Variants in H4C12 observed in about 807,000 individuals in gnomAD.
H4C12 encodes the protein H4 clustered histone 12, also known as histone H4.
Under a neutral mutation model 4.2 loss-of-function variants are expected in H4C12, and 3 were observed. That is an observed-to-expected ratio of 0.72 (90% CI 0.33 to 1.86). H4C12 has a LOEUF of 1.86. Among genes scored for constraint, H4C12 ranks in the 40% most tolerant of loss-of-function variants. The pLI, the probability that H4C12 is intolerant of heterozygous loss-of-function variation, is 0.08. For synonymous variants in H4C12, 71 were observed against 65.0 expected (o/e 1.09, Z -0.44); for missense variants, 81 against 154.6 (o/e 0.52, Z 2.52).
rs1449983766 is a variant in H4C12, at chr6:27,831,286, G to A, written c.242C>T (p.Thr81Met). 2 of 1,565,440 alleles carry A rather than the reference G, an allele frequency of 1.3e-6. No individual in the cohort carries two copies. The highest frequency in any genetic ancestry group is 2.2e-5 in the East Asian group (1 of 44,684). Residue 81 changes from threonine to methionine, a missense_variant, in exon 1 of 1, where the codon ACG becomes ATG. Around this residue, in one of 2 missense-constraint regions of H4C12, gnomAD observed 56 missense variants for 78.3 expected, o/e 0.72. Transcript: ENST00000611927. ...GTAGACCACATCCATGGCGGTGACC[G>A]TCTTGCGCTTGGCGTGCTCTGTATA... ...VTYTEHAKRK[T>M]VTAMDVVYAL...
chr6:27,831,329 T>G lies in H4C12; in HGVS notation c.199A>C (p.Ile67Leu). The G allele has an allele frequency of 6.3e-7, 1 of 1,598,268 alleles. No homozygotes were observed. Among genetic ancestry groups the G allele is most frequent in the Non-Finnish European group, 8.5e-7 (1 of 1,169,678 alleles). ...GVLKVFLENV[I>L]RDAVTYTEHA... Reference sequence around the variant, plus strand: ...TCTGTATAGGTCACGGCGTCCCGGATCACGTTCTCCAGGAACACCTTCAGC... The same window carrying G: ...TCTGTATAGGTCACGGCGTCCCGGAGCACGTTCTCCAGGAACACCTTCAGC... The change falls in exon 1 of 1, where the codon ATC becomes CTC. Residue 67 changes from isoleucine (I) to leucine (L), a missense_variant. Ile to Leu is a conservative substitution (Grantham distance 5). Coordinates refer to ENST00000611927, the MANE Select transcript of H4C12 (RefSeq NM_003541.3).
chr6:27,831,224 C>T lies in H4C12; in HGVS notation c.304G>A (p.Gly102Ser). Reference protein sequence around the residue: ...KRQGRTLYGFGG With the variant: ...KRQGRTLYGFSG ...TTGATAGAAAGGGACGCTCAACCACCGAAACCGTAGAGGGTGCGGCCCTGG... is the reference window on the plus strand; with the variant it reads ...TTGATAGAAAGGGACGCTCAACCACTGAAACCGTAGAGGGTGCGGCCCTGG... Residue 102 changes from glycine to serine, a missense_variant, in exon 1 of 1, where the codon GGT becomes AGT. Physicochemically the swap from Gly to Ser is moderately conservative, Grantham distance 56 (BLOSUM62 0). Coordinates refer to ENST00000611927, the MANE Select transcript of H4C12 (RefSeq NM_003541.3). 1 of 1,601,628 alleles carries T rather than the reference C, an allele frequency of 6.2e-7. No individual in the cohort carries two copies. Among genetic ancestry groups the T allele is most frequent in the Non-Finnish European group, 8.5e-7 (1 of 1,175,170 alleles).
At position 27,831,549 on chromosome 6, in the gene H4C12, C is replaced by G. The variant is rs781117806; in HGVS notation, c.-22G>C. 1.9e-6 allele frequency: 3 copies of G among 1,583,028 alleles called. No homozygotes were observed. The South Asian group carries it at 3.5e-5, about 18-fold the overall frequency. ...ACATGACGAGCAAGAGGAGTCTCAC[C>G]CAACGCTTTGTGAGGACTCTGGCCT... On this transcript the variant is annotated 5_prime_UTR_variant, in exon 1 of 1. Coordinates refer to ENST00000611927, the MANE Select transcript of H4C12 (RefSeq NM_003541.3).
chr6:27,831,483 G>C lies in H4C12; in HGVS notation c.45C>G (p.Gly15=), dbSNP rs545030586. The C allele has an allele frequency of 1.3e-6, 2 of 1,526,720 alleles. No homozygotes were observed. The highest frequency in any genetic ancestry group is 2.6e-5 in the South Asian group (2 of 75,506). The allele number at this position is 1,526,720 out of a possible 1,614,324, so 94.6% of individuals were successfully genotyped here. A position where few individuals can be genotyped will look rare whatever the true frequency, so the allele number is the denominator to read the frequency against. Residue 15 remains glycine, a synonymous_variant, in exon 1 of 1, where the codon GGC becomes GGG. Coordinates refer to ENST00000611927, the MANE Select transcript of H4C12 (RefSeq NM_003541.3). The part of the protein sequence containing the change: ...GKGGKGLGKG[G]AKRHRKVLRD... ...GCAGTACTTTACGGTGGCGCTTAGC[G>C]CCGCCTTTGCCAAGACCCTTCCCGC... is the stretch of plus-strand genomic sequence containing the variant.
chr6:27,831,278 C>T lies in H4C12; in HGVS notation c.250G>A (p.Ala84Thr). 3 of 1,552,220 alleles carry T rather than the reference C, an allele frequency of 1.9e-6. No homozygotes were observed. Among genetic ancestry groups the T allele is most frequent in the Admixed American group, 2.1e-5 (1 of 48,022 alleles). ...TTGAGCGCGTAGACCACATCCATGG[C>T]GGTGACCGTCTTGCGCTTGGCGTGC... ...TEHAKRKTVT[A>T]MDVVYALKRQ... is the part of the protein sequence containing the mutation. Residue 84 changes from alanine (A) to threonine (T), a missense_variant, in exon 1 of 1, where the codon GCC (alanine) becomes ACC (threonine). Coordinates refer to ENST00000611927, the MANE Select transcript of H4C12 (RefSeq NM_003541.3).
chr6:27,831,201 G>T lies in H4C12; in HGVS notation c.*15C>A. On this transcript the variant is annotated 3_prime_UTR_variant, in exon 1 of 1. Coordinates refer to ENST00000611927, the MANE Select transcript of H4C12 (RefSeq NM_003541.3). The stretch of plus-strand genomic sequence containing the variant: ...GGGGCCCTAAAAAGGGCCTTTTGTT[G>T]ATAGAAAGGGACGCTCAACCACCGA... The T allele has an allele frequency of 6.2e-7, 1 of 1,604,836 alleles. No individual in the cohort carries two copies. Among genetic ancestry groups the T allele is most frequent in the Non-Finnish European group, 8.5e-7 (1 of 1,175,650 alleles).
rs1462585305 is a variant in H4C12, at chr6:27,831,461, G to A, written c.67C>T (p.Leu23=). The A allele has an allele frequency of 7.2e-6, 11 of 1,524,918 alleles. No homozygotes were observed. Among genetic ancestry groups the A allele is most frequent in the South Asian group, 6.6e-5 (5 of 76,238 alleles). The allele number at this position is 1,524,918 out of a possible 1,614,324, so 94.5% of individuals were successfully genotyped here. A position where few individuals can be genotyped will look rare whatever the true frequency, so the allele number is the denominator to read the frequency against. Residue 23 remains leucine, a synonymous_variant, in exon 1 of 1, where the codon CTG becomes TTG. Transcript: ENST00000611927. ...KGGAKRHRKV[L]RDNIQGITKP... Reference sequence around the variant, plus strand: ...GTGATGCCCTGGATATTGTCGCGCAGTACTTTACGGTGGCGCTTAGCGCCG... The same window carrying A: ...GTGATGCCCTGGATATTGTCGCGCAATACTTTACGGTGGCGCTTAGCGCCG...
At position 27,831,520 on chromosome 6, in the gene H4C12, C is replaced by T. The variant is rs369508331; in HGVS notation, c.8G>A (p.Gly3Asp). 18 of 1,568,364 alleles carry T rather than the reference C, an allele frequency of 1.1e-5. No homozygotes were observed. Among genetic ancestry groups the T allele is most frequent in the Non-Finnish European group, 1.6e-5 (18 of 1,155,970 alleles). ...AAGACCCTTCCCGCCTTTGCCGCGG[C>T]CAGACATGACGAGCAAGAGGAGTCT... MS[G>D]RGKGGKGLGK... The change falls in exon 1 of 1, where the codon GGC becomes GAC. Residue 3 changes from glycine to aspartate, a missense_variant. Gly to Asp is a moderately conservative substitution (Grantham distance 94, BLOSUM62 -1). This residue lies in a region of H4C12 where 25 missense variants were observed against 76.3 expected (regional missense o/e 0.33). Coordinates refer to ENST00000611927, the MANE Select transcript of H4C12 (RefSeq NM_003541.3).
In H4C12 at chr6:27,831,218, A is replaced by C. The variant is rs1265322595; in HGVS notation, c.310T>G (p.Ter104GlyextTer?). The C allele has an allele frequency of 6.2e-7, 1 of 1,603,306 alleles. No homozygotes were observed. The highest frequency in any genetic ancestry group is 2.2e-5 in the East Asian group (1 of 44,818). ...CTTTTGTTGATAGAAAGGGACGCTCAACCACCGAAACCGTAGAGGGTGCGG... is the reference window on the plus strand; with the variant it reads ...CTTTTGTTGATAGAAAGGGACGCTCCACCACCGAAACCGTAGAGGGTGCGG... ...QGRTLYGFGG[*>G] Residue 104 changes from the stop codon to glycine (G), a stop_lost, in exon 1 of 1, where the codon TGA (stop) becomes GGA (glycine). Coordinates refer to ENST00000611927, the MANE Select transcript of H4C12 (RefSeq NM_003541.3).
chr6:27,831,196 T>C lies in H4C12; in HGVS notation c.*20A>G. ...AAGTGGGGGCCCTAAAAAGGGCCTTTTGTTGATAGAAAGGGACGCTCAACC... is the reference window on the plus strand; with the variant it reads ...AAGTGGGGGCCCTAAAAAGGGCCTTCTGTTGATAGAAAGGGACGCTCAACC... On this transcript the variant is annotated 3_prime_UTR_variant, in exon 1 of 1. Coordinates refer to ENST00000611927, the MANE Select transcript of H4C12 (RefSeq NM_003541.3). The C allele has an allele frequency of 6.2e-7, 1 of 1,604,796 alleles. No individual in the cohort carries two copies. The highest frequency in any genetic ancestry group is 1.7e-5 in the Admixed American group (1 of 58,046).
chr6:27,831,511 T>G lies in H4C12; in HGVS notation c.17A>C (p.Lys6Thr). Reference protein sequence around the residue: MSGRGKGGKGLGKGGA... With the variant: MSGRGTGGKGLGKGGA... ...GCCTTTGCCAAGACCCTTCCCGCCTTTGCCGCGGCCAGACATGACGAGCAA... is the reference window on the plus strand; with the variant it reads ...GCCTTTGCCAAGACCCTTCCCGCCTGTGCCGCGGCCAGACATGACGAGCAA... Residue 6 changes from lysine to threonine, a missense_variant, in exon 1 of 1, where the codon AAA (lysine) becomes ACA (threonine). Physicochemically the swap from Lys to Thr is moderately conservative, Grantham distance 78. Around this residue, in one of 2 missense-constraint regions of H4C12, gnomAD observed 25 missense variants for 76.3 expected, o/e 0.33. Transcript: ENST00000611927. The G allele has an allele frequency of 6.4e-7, 1 of 1,559,458 alleles. No homozygotes were observed. Among genetic ancestry groups the G allele is most frequent in the Non-Finnish European group, 8.7e-7 (1 of 1,152,440 alleles).
At position 27,831,492 on chromosome 6, in the gene H4C12, G is replaced by T; in HGVS notation, c.36C>A (p.Gly12=). The T allele has an allele frequency of 2.0e-6, 3 of 1,527,796 alleles. No individual in the cohort carries two copies. Among genetic ancestry groups the T allele is most frequent in the Non-Finnish European group, 2.6e-6 (3 of 1,142,300 alleles). The allele number at this position is 1,527,796 out of a possible 1,614,324, so 94.6% of individuals were successfully genotyped here. A position where few individuals can be genotyped will look rare whatever the true frequency, so the allele number is the denominator to read the frequency against. ...TACGGTGGCGCTTAGCGCCGCCTTTGCCAAGACCCTTCCCGCCTTTGCCGC... is the reference window on the plus strand; with the variant it reads ...TACGGTGGCGCTTAGCGCCGCCTTTTCCAAGACCCTTCCCGCCTTTGCCGC... ...SGRGKGGKGL[G]KGGAKRHRKV... The change falls in exon 1 of 1, where the codon GGC becomes GGA. Residue 12 remains glycine (G), a synonymous_variant. Transcript: ENST00000611927.
Position 27,831,504 on chromosome 6 carries a change from C to T in H4C12, c.24G>A (p.Gly8=), listed in dbSNP as rs750442313. ...TAGCGCCGCCTTTGCCAAGACCCTT[C>T]CCGCCTTTGCCGCGGCCAGACATGA... MSGRGKG[G]KGLGKGGAKR... Residue 8 remains glycine (G), a synonymous_variant, in exon 1 of 1, where the codon GGG becomes GGA. Transcript: ENST00000611927. 3.2e-6 allele frequency: 5 copies of T among 1,553,596 alleles called. No homozygotes were observed. In the Admixed American group the frequency reaches 7.6e-5, roughly 24 times the overall value.
In H4C12 at chr6:27,831,191, G is replaced by A. The variant is rs772277564; in HGVS notation, c.*25C>T. 7.8e-5 allele frequency: 125 copies of A among 1,603,474 alleles called. No homozygotes were observed. The highest frequency in any genetic ancestry group is 3.6e-5 in the Non-Finnish European group (42 of 1,174,938). On this transcript the variant is annotated 3_prime_UTR_variant, in exon 1 of 1. Coordinates refer to ENST00000611927, the MANE Select transcript of H4C12 (RefSeq NM_003541.3). Reference sequence around the variant, plus strand: ...TGAGAAAGTGGGGGCCCTAAAAAGGGCCTTTTGTTGATAGAAAGGGACGCT... The same window carrying A: ...TGAGAAAGTGGGGGCCCTAAAAAGGACCTTTTGTTGATAGAAAGGGACGCT...
Position 27,831,297 on chromosome 6 carries a change from G to A in H4C12, c.231C>T (p.Ala77=). ...CCATGGCGGTGACCGTCTTGCGCTT[G>A]GCGTGCTCTGTATAGGTCACGGCGT... ...IRDAVTYTEH[A]KRKTVTAMDV... The change falls in exon 1 of 1, where the codon GCC becomes GCT. Residue 77 remains alanine (A), a synonymous_variant. Coordinates refer to ENST00000611927, the MANE Select transcript of H4C12 (RefSeq NM_003541.3). The A allele has an allele frequency of 3.8e-6, 6 of 1,579,782 alleles. No homozygotes were observed. The highest frequency in any genetic ancestry group is 5.2e-6 in the Non-Finnish European group (6 of 1,164,902).
rs2113892865 is a variant in H4C12 at position 27,831,217 on chromosome 6, C to G, written c.311G>C (p.Ter104SerextTer?). 1.9e-6 allele frequency: 3 copies of G among 1,603,858 alleles called. No homozygotes were observed. Among genetic ancestry groups the G allele is most frequent in the Non-Finnish European group, 2.6e-6 (3 of 1,175,972 alleles). The change falls in exon 1 of 1, where the codon TGA becomes TCA. Residue 104 changes from the stop codon to serine, a stop_lost. Transcript: ENST00000611927. ...CCTTTTGTTGATAGAAAGGGACGCT[C>G]AACCACCGAAACCGTAGAGGGTGCG... Reference protein sequence around the residue: ...QGRTLYGFGG* With the variant: ...QGRTLYGFGGS
chr6:27,831,442 C>G lies in H4C12; in HGVS notation c.86G>C (p.Gly29Ala), dbSNP rs1760956590. ...GCGCCGGATGGCCGGCTTGGTGATG[C>G]CCTGGATATTGTCGCGCAGTACTTT... ...HRKVLRDNIQ[G>A]ITKPAIRRLA... Residue 29 changes from glycine (G) to alanine (A), a missense_variant, in exon 1 of 1, where the codon GGC becomes GCC. By Grantham distance (60) the Gly-to-Ala change is moderately conservative. Coordinates refer to ENST00000611927, the MANE Select transcript of H4C12 (RefSeq NM_003541.3). 6.4e-7 allele frequency: 1 copy of G among 1,561,972 alleles called. No homozygotes were observed. The highest frequency in any genetic ancestry group is 8.7e-7 in the Non-Finnish European group (1 of 1,154,350).
Position 27,831,417 on chromosome 6 carries a change from G to T in H4C12, c.111C>A (p.Arg37=), listed in dbSNP as rs537955828. The T allele has an allele frequency of 6.3e-7, 1 of 1,585,560 alleles. No homozygotes were observed. Among genetic ancestry groups the T allele is most frequent in the African/African-American group, 1.4e-5 (1 of 74,056 alleles). Residue 37 remains arginine (R), a synonymous_variant, in exon 1 of 1, where the codon CGC becomes CGA. Transcript: ENST00000611927. ...IQGITKPAIR[R]LARRGGVKRI... ...GCTTCACGCCGCCGCGGCGAGCAAG[G>T]CGCCGGATGGCCGGCTTGGTGATGC...
In H4C12 at chr6:27,831,277, G is replaced by T; in HGVS notation, c.251C>A (p.Ala84Asp). The T allele has an allele frequency of 6.4e-7, 1 of 1,552,392 alleles. No homozygotes were observed. Among genetic ancestry groups the T allele is most frequent in the Non-Finnish European group, 8.7e-7 (1 of 1,156,002 alleles). ...CTTGAGCGCGTAGACCACATCCATG[G>T]CGGTGACCGTCTTGCGCTTGGCGTG... The part of the protein sequence containing the change: ...TEHAKRKTVT[A>D]MDVVYALKRQ... The change falls in exon 1 of 1, where the codon GCC (alanine) becomes GAC (aspartate). Residue 84 changes from alanine to aspartate, a missense_variant. Ala to Asp is a moderately radical substitution (Grantham distance 126, BLOSUM62 -2). Coordinates refer to ENST00000611927, the MANE Select transcript of H4C12 (RefSeq NM_003541.3).
Sources: gnomAD v4.1 joint callset for allele counts on GRCh38, gnomAD v4.1.1 for gene constraint, gnomAD v4.1.1 regional missense constraint, MANE v1.5 for transcripts, NCBI Gene and HGNC (gene_info 2026-07-23, HGNC 2026-07-21) for gene names.